RYR1: variants seen among roughly 807,000 people sequenced by gnomAD.
RYR1 encodes central core disease of muscle.
Under a neutral mutation model 583.5 loss-of-function variants are expected in RYR1, and 342 were observed. The observed-to-expected ratio is 0.59, with a 90% CI of 0.54 to 0.64. RYR1 has a LOEUF of 0.64. Among genes scored for constraint, RYR1 ranks in the 30% least tolerant of loss-of-function variants. The probability of loss-of-function intolerance (pLI) is 0.00; values close to 1 mark genes in which losing one functional copy is unlikely to be tolerated. For synonymous variants in RYR1, 2,791 were observed against 2,822.5 expected, an observed-to-expected ratio of 0.99 and a Z score of 0.35; for missense variants, 6,032 against 6,917.2, an observed-to-expected ratio of 0.87 and a Z score of 4.54.
intron 101 of RYR1, among the ~76,000 whole-genome samples, chr19:38,583,497 T>C (rs922653494): frequency 1.5e-4 from 22 of 147,872 alleles, no homozygotes; most frequent in African/African-American, 5.5e-4. Flanking sequence ...AAAAAACATA[T>C]GTAAAGTTGT....
Position 38,586,012 on chromosome 19 carries a change from G to C in RYR1, c.14868+10G>C, listed in dbSNP as rs1199927420. On this transcript the variant is annotated intron_variant, in intron 103 of 105. Coordinates refer to ENST00000359596, the MANE Select transcript of RYR1 (RefSeq NM_000540.3). ...GAAGGAGGATATGGAGGTAGGTCAT[G>C]TCTGGGGGTGACCCAGAGGGATTAC... is the stretch of plus-strand genomic sequence containing the variant. 1 of 1,614,030 alleles carries C rather than the reference G, an allele frequency of 6.2e-7. No homozygotes were observed. The highest frequency in any genetic ancestry group is 8.5e-7 in the Non-Finnish European group (1 of 1,180,026).
chr19:38,463,642 C>G (rs768217507), intron 21 of RYR1, 105 bp from the exon 22 acceptor site: 123 of 1,453,936 alleles, frequency 8.5e-5, no homozygotes, highest in Admixed American at 1.2e-4. Context: ...GGTCCTTGGA[C>G]TGAGGGTGGC....
chr19:38,576,014 G>GGCCA, intron 97 of RYR1, 53 bp downstream of exon 97: 1 of 1,597,462 alleles, frequency 6.3e-7, no homozygotes, highest in Non-Finnish European at 8.6e-7. Flanking sequence ...CCTGCCACCA[G>GGCCA]GCCATCACAG....
chr19:38,486,042 C>A lies in RYR1; in HGVS notation c.5387C>A (p.Ala1796Asp). Residue 1796 changes from alanine (A) to aspartate (D), a missense_variant, in exon 34 of 106, where the codon GCC (alanine) becomes GAC (aspartate). Around this residue, in one of 11 missense-constraint regions of RYR1, gnomAD observed 2,627 missense variants for 2,961.3 expected, o/e 0.89. Coordinates refer to ENST00000359596, the MANE Select transcript of RYR1 (RefSeq NM_000540.3). Reference protein sequence around the residue: ...LPAAGAAEAPARLSPAIPLEA... With the variant: ...LPAAGAAEAPDRLSPAIPLEA... Reference sequence around the variant, plus strand: ...GCTGCTGGGGCAGCAGAGGCCCCGGCCCGCCTCAGCCCTGCCATCCCGCTG... The same window carrying A: ...GCTGCTGGGGCAGCAGAGGCCCCGGACCGCCTCAGCCCTGCCATCCCGCTG... 3 of 1,612,716 alleles carry A rather than the reference C, an allele frequency of 1.9e-6. No individual in the cohort carries two copies. The highest frequency in any genetic ancestry group is 2.5e-6 in the Non-Finnish European group (3 of 1,179,514).
chr19:38,566,311 T>C (rs1176080915), intron 91 of RYR1, among the ~76,000 whole-genome samples: 1 of 151,192 alleles, frequency 6.6e-6, no homozygotes, highest in African/African-American at 2.4e-5. Flanking sequence ...TAGCCGGGCA[T>C]GGTGGTGTGC....
chr19:38,496,367 G>A lies in RYR1; in HGVS notation c.6663+38G>A, dbSNP rs767040519. On this transcript the variant is annotated intron_variant, in intron 40 of 105. Coordinates refer to ENST00000359596, the MANE Select transcript of RYR1 (RefSeq NM_000540.3). The surrounding 1 kb of genome is among the most constrained non-coding windows in gnomAD (Gnocchi z 4.8). Reference sequence around the variant, plus strand: ...GCAGGTGCTGGGGAGCTCAGGGGAGGCAGCCACAGAGGGCAGGCCCTGACC... The same window carrying A: ...GCAGGTGCTGGGGAGCTCAGGGGAGACAGCCACAGAGGGCAGGCCCTGACC... The A allele has an allele frequency of 6.2e-6, 10 of 1,613,614 alleles. No homozygotes were observed. The highest frequency in any genetic ancestry group is 8.5e-6 in the Non-Finnish European group (10 of 1,180,024).
chr19:38,488,556 C>T (rs1419610014), intron 34 of RYR1, among the ~76,000 whole-genome samples: 3 of 152,176 alleles, frequency 2.0e-5, no homozygotes, highest in African/African-American at 7.2e-5. Flanking sequence ...GGCTGGAGTG[C>T]AGTGGCATAA....
intron 22 of RYR1, 138 bp downstream of exon 22, chr19:38,463,988 G>C: frequency 1.3e-6 from 1 of 740,978 alleles, no homozygotes; most frequent in Non-Finnish European, 2.3e-6. Context: ...ATAAACAAAT[G>C]GGGAGTGGCC....
At chr19:38,453,694 C>T (rs1345306996) in intron 13 of RYR1, among the ~76,000 whole-genome samples, 2 of 151,444 alleles carry the variant, frequency 1.3e-5, no homozygotes, top group Non-Finnish European at 2.9e-5. Flanking sequence ...CAGTTTAAGA[C>T]AGAGCTGTCA....
chr19:38,457,762 G>T (rs1387389719), intron 17 of RYR1, 132 bp downstream of exon 17: 17 of 952,974 alleles, frequency 1.8e-5, no homozygotes, highest in Non-Finnish European at 1.2e-5. Flanking sequence ...CCTCACAGAT[G>T]TCCACTGTGG....
intron 96 of RYR1, among the ~76,000 whole-genome samples, chr19:38,573,892 G>A (rs1004585858): frequency 4.6e-5 from 7 of 152,102 alleles, no homozygotes; most frequent in South Asian, 2.1e-4. Flanking sequence ...CCAGGAACCC[G>A]TGTTTTAAAC....
chr19:38,495,347 C>A lies in RYR1; in HGVS notation c.6548+722C>A, dbSNP rs564629736. On this transcript the variant is annotated intron_variant, in intron 39 of 105. Transcript: ENST00000359596. Reference sequence around the variant, plus strand: ...TATTAAGCACCTACTTCGTGCCAGGCATTTCTAGGTGTTTTTGAGACAGGG... The same window carrying A: ...TATTAAGCACCTACTTCGTGCCAGGAATTTCTAGGTGTTTTTGAGACAGGG... Among the ~76,000 whole-genome samples, 4 of 152,182 alleles carry A rather than the reference C, an allele frequency of 2.6e-5. No homozygotes were observed. The East Asian group carries it at 7.7e-4, about 29-fold the overall frequency.
chr19:38,505,972 C>T (rs759837944), intron 54 of RYR1, 26 bp downstream of exon 54: 43 of 1,606,318 alleles, frequency 2.7e-5, no homozygotes, highest in Non-Finnish European at 3.5e-5. Flanking sequence ...GGGTGGAGGG[C>T]AGGGGCACGA....
intron 97 of RYR1, among the ~76,000 whole-genome samples, chr19:38,576,555 T>C (rs1019243228): frequency 1.3e-5 from 2 of 152,130 alleles, no homozygotes; most frequent in African/African-American, 4.8e-5. Flanking sequence ...CACACGCCTG[T>C]AATCCCAGCA....
intron 94 of RYR1, 36 bp downstream of exon 94, chr19:38,570,729 T>C (rs772906104): frequency 1.3e-6 from 2 of 1,539,014 alleles, no homozygotes; most frequent in African/African-American, 2.7e-5. Flanking sequence ...GTCAGGCCCT[T>C]TTCCATGCTG....
intron 90 of RYR1, among the ~76,000 whole-genome samples, chr19:38,564,701 G>T (rs1044204493): frequency 5.9e-5 from 9 of 152,060 alleles, no homozygotes; most frequent in Non-Finnish European, 1.2e-4. Context: ...TTTTAGTAGA[G>T]ACGGGGGTTT....
chr19:38,518,197 AAGGAAGGAAGGC>A (rs1245746838), intron 66 of RYR1, among the ~76,000 whole-genome samples: 3 of 151,608 alleles, frequency 2.0e-5, no homozygotes, highest in South Asian at 2.1e-4. Context: ...GGAAGGAAAG[AAGGAAGGAAGGC>A]AGGAAGGAAG....
chr19:38,587,511 TG>T lies in RYR1; in HGVS notation c.*96del. ...CCCAAGCCCCTCCCCCTAAGGCAGCTGGGGGAGAGGTGACCTAGTACTGGAA... is the reference window on the plus strand; with the variant it reads ...CCCAAGCCCCTCCCCCTAAGGCAGCTGGGGAGAGGTGACCTAGTACTGGAA... On this transcript the variant is annotated 3_prime_UTR_variant, in exon 106 of 106. Coordinates refer to ENST00000359596, the MANE Select transcript of RYR1 (RefSeq NM_000540.3). 1.1e-6 allele frequency: 1 copy of T among 926,150 alleles called. No homozygotes were observed. 57.4% of individuals were successfully genotyped at this position (926,150 alleles called of 1,614,324 possible).
Position 38,534,774 on chromosome 19 carries a change from C to CG in RYR1, c.11320dup (p.Ala3774GlyfsTer37), listed in dbSNP as rs768698639. On this transcript the variant is annotated frameshift_variant, in exon 79 of 106. Transcript: ENST00000359596. LOFTEE classifies it high-confidence loss of function. ...GTACCAGCAAGCACGGCTGCACACC[C>CG]GGGGGGCGGCCGAGATGGTGCTGCA... 1 of 1,613,878 alleles carries CG rather than the reference C, an allele frequency of 6.2e-7. No homozygotes were observed.
Sources: gnomAD v4.1 joint callset for allele counts (sites outside exome capture counted in the v4.1 genomes callset) on GRCh38, gnomAD v4.1.1 for gene constraint, gnomAD v4.1.1 regional missense constraint, Gnocchi (gnomAD v3.1) non-coding constraint, MANE v1.5 for transcripts, NCBI Gene and HGNC (gene_info 2026-07-23, HGNC 2026-07-21) for gene names.